PCBP3: variants seen among roughly 807,000 people sequenced by gnomAD.
The protein encoded by PCBP3 is poly(rC) binding protein 3, also known as poly(rC)-binding protein 3.
A neutral mutation model predicts 52.7 loss-of-function variants in PCBP3; 25 were observed. The ratio of observed to expected loss-of-function variants is 0.47; its 90% CI spans 0.35 to 0.66. The LOEUF is 0.66. Among genes scored for constraint, PCBP3 ranks in the 30% least tolerant of loss-of-function variants. The pLI is 0.01. For synonymous variants in PCBP3, 162 were observed against 183.0 expected, an observed-to-expected ratio of 0.89 and a Z score of 0.93; for missense variants, 391 against 490.3, an observed-to-expected ratio of 0.80 and a Z score of 1.91.
intron 5 of PCBP3, among the ~76,000 whole-genome samples, chr21:45,874,030 G>A (rs910606358): frequency 3.3e-5 from 5 of 151,858 alleles, no homozygotes; most frequent in African/African-American, 9.7e-5. Context: ...GATCACAGGC[G>A]TGAGCCACCA....
At position 45,885,820 on chromosome 21, in the gene PCBP3, G is replaced by T. The variant is rs574092966; in HGVS notation, c.11-10388G>T. ...TGTTTGCTGAAGCATTTTTATGAAG[G>T]CTGCTTTCACTTCTTTGTCAGAGGA... On this transcript the variant is annotated intron_variant, in intron 5 of 17. Coordinates refer to ENST00000681687, the MANE Select transcript of PCBP3 (RefSeq NM_001384156.1). Among the ~76,000 whole-genome samples, 13 of 152,236 alleles carry T rather than the reference G, an allele frequency of 8.5e-5. No homozygotes were observed. The South Asian group carries it at 1.7e-3, about 19-fold the overall frequency.
At chr21:45,708,221 G>A (rs1411407976) in intron 2 of PCBP3, among the ~76,000 whole-genome samples, 1 of 152,206 alleles carries the variant, frequency 6.6e-6, no homozygotes, top group Non-Finnish European at 1.5e-5. Flanking sequence ...GGGAGGGATA[G>A]GTTGCAGCTT....
intron 2 of PCBP3, among the ~76,000 whole-genome samples, chr21:45,695,045 C>T (rs1482241071): frequency 1.3e-5 from 2 of 152,104 alleles, no homozygotes; most frequent in Non-Finnish European, 2.9e-5. Flanking sequence ...CTCCACCAGC[C>T]ATTATGAGGA....
intron 5 of PCBP3, among the ~76,000 whole-genome samples, chr21:45,852,222 T>G (rs1308114667): frequency 6.6e-6 from 1 of 152,240 alleles, no homozygotes; most frequent in Non-Finnish European, 1.5e-5. Context: ...TATGTACAAC[T>G]ATTATGCGTC....
chr21:45,705,133 G>A (rs75971227), intron 2 of PCBP3, among the ~76,000 whole-genome samples: 3,160 of 152,332 alleles, frequency 0.021, 55 homozygotes, highest in South Asian at 0.052. Flanking sequence ...GTGCAGCATC[G>A]TGTGGATGCA....
At chr21:45,863,605 A>G (rs1171469650) in intron 5 of PCBP3, among the ~76,000 whole-genome samples, 4 of 152,316 alleles carry the variant, frequency 2.6e-5, no homozygotes, top group South Asian at 4.1e-4. Context: ...CCCGAGGCCA[A>G]TGGGGTGGGC....
intron 1 of PCBP3, among the ~76,000 whole-genome samples, chr21:45,657,188 T>G (rs1214304420): frequency 2.6e-5 from 4 of 152,186 alleles, no homozygotes; most frequent in Admixed American, 2.6e-4. Flanking sequence ...ATTTATCTAT[T>G]TTTTTCTTTT....
intron 2 of PCBP3, among the ~76,000 whole-genome samples, chr21:45,720,113 A>G (rs1205439850): frequency 6.6e-6 from 1 of 152,212 alleles, no homozygotes; most frequent in East Asian, 1.9e-4. Context: ...ATACATGTGC[A>G]GAACATGCAG....
chr21:45,902,782 C>T (rs1481937015), intron 9 of PCBP3, among the ~76,000 whole-genome samples: 2 of 152,262 alleles, frequency 1.3e-5, no homozygotes, highest in African/African-American at 2.4e-5. Flanking sequence ...GTGGCACAGA[C>T]GCCAGCATGG....
chr21:45,688,326 T>G (rs889748587), intron 2 of PCBP3, among the ~76,000 whole-genome samples: 4 of 152,222 alleles, frequency 2.6e-5, no homozygotes, highest in Non-Finnish European at 5.9e-5. Flanking sequence ...ATAAAATGTT[T>G]TCTGACTACC....
At chr21:45,855,792 G>A (rs1245706588) in intron 5 of PCBP3, among the ~76,000 whole-genome samples, 1 of 152,260 alleles carries the variant, frequency 6.6e-6, no homozygotes, top group Non-Finnish European at 1.5e-5. Context: ...GTGACAGGCG[G>A]GTGGAACCCA....
At chr21:45,814,759 G>A (rs1313168735) in intron 4 of PCBP3, among the ~76,000 whole-genome samples, 2 of 122,180 alleles carry the variant, frequency 1.6e-5, no homozygotes. Context: ...ATGAGTGAGT[G>A]GTGAGTGGTG....
intron 4 of PCBP3, among the ~76,000 whole-genome samples, chr21:45,813,876 C>T (rs1272523914): frequency 6.6e-6 from 1 of 152,242 alleles, no homozygotes; most frequent in Non-Finnish European, 1.5e-5. Flanking sequence ...TTTTCTGCAT[C>T]TACATATGTG....
intron 2 of PCBP3, among the ~76,000 whole-genome samples, chr21:45,686,584 A>G (rs2082166396): frequency 6.6e-6 from 1 of 152,236 alleles, no homozygotes. Context: ...AAAGCAGTCA[A>G]TAGGAACAGA....
At chr21:45,893,993 G>A (rs2095754721) in intron 5 of PCBP3, 1 of 985,606 alleles carries the variant, frequency 1.0e-6, no homozygotes, top group South Asian at 4.7e-5. Flanking sequence ...GCAAGGCCAG[G>A]GCACTTTGCA....
intron 1 of PCBP3, among the ~76,000 whole-genome samples, chr21:45,650,950 GCAGGGGGCACT>G (rs897397764): frequency 6.6e-6 from 1 of 152,160 alleles, no homozygotes; most frequent in African/African-American, 2.4e-5. Flanking sequence ...CATCCTGGAA[GCAGGGGGCACT>G]CAGTCCAATA....
At chr21:45,761,531 G>A (rs1015966030) in intron 4 of PCBP3, 4 of 152,256 alleles carry the variant, frequency 2.6e-5, no homozygotes, top group African/African-American at 9.7e-5. Flanking sequence ...GGTCACCTTG[G>A]ACGTGTAAAC....
intron 2 of PCBP3, among the ~76,000 whole-genome samples, chr21:45,710,266 T>C (rs552368801): frequency 1.9e-4 from 29 of 152,358 alleles, no homozygotes; most frequent in African/African-American, 6.5e-4. Flanking sequence ...ACTCGTCATT[T>C]ACCATTAGGT....
chr21:45,796,429 T>C (rs1273819934), intron 4 of PCBP3, among the ~76,000 whole-genome samples: 1 of 152,272 alleles, frequency 6.6e-6, no homozygotes, highest in Admixed American at 6.5e-5. Flanking sequence ...TTTGGGATGC[T>C]GTTCACATGT....
Sources: gnomAD v4.1 joint callset for allele counts (sites outside exome capture counted in the v4.1 genomes callset) on GRCh38, gnomAD v4.1.1 for gene constraint, MANE v1.5 for transcripts, NCBI Gene and HGNC (gene_info 2026-07-23, HGNC 2026-07-21) for gene names.